GARRE1: variants seen among roughly 807,000 people sequenced by gnomAD.
GARRE1 encodes granule associated Rac and RHOG effector protein 1.
Under a neutral mutation model 103.2 loss-of-function variants are expected in GARRE1, and 49 were observed. The observed-to-expected ratio is 0.47, with a 90% CI of 0.38 to 0.60. The LOEUF (loss-of-function observed/expected upper bound fraction) is 0.60. Among genes scored for constraint, GARRE1 ranks in the 20% least tolerant of loss-of-function variants. The pLI, the probability that GARRE1 is intolerant of heterozygous loss-of-function variation, is 0.00. For synonymous variants in GARRE1, 505 were observed against 532.8 expected (o/e 0.95, Z 0.72); for missense variants, 1,199 against 1,370.5 (o/e 0.87, Z 1.98).
chr19:34,350,915 C>T (rs1256559638), intron 12 of GARRE1, among the ~76,000 whole-genome samples: 2 of 151,918 alleles, frequency 1.3e-5, no homozygotes, highest in Non-Finnish European at 2.9e-5. Flanking sequence ...TAACAAAAAG[C>T]CGGCCGGACT....
At chr19:34,341,312 A>G (rs2074184479) in intron 9 of GARRE1, 110 bp from the exon 10 acceptor site, 2 of 873,986 alleles carry the variant, frequency 2.3e-6, no homozygotes, top group African/African-American at 3.4e-5. Context: ...CCCGATACCA[A>G]CCTGAGAGGT....
At chr19:34,274,727 G>T (rs2073806930) in intron 1 of GARRE1, among the ~76,000 whole-genome samples, 1 of 152,168 alleles carries the variant, frequency 6.6e-6, no homozygotes, top group South Asian at 2.1e-4. Flanking sequence ...ATCAGAGGAG[G>T]AGTAGCTCAA....
intron 1 of GARRE1, among the ~76,000 whole-genome samples, chr19:34,272,156 T>G (rs147148099): frequency 7.7e-4 from 118 of 152,320 alleles, no homozygotes; most frequent in African/African-American, 2.7e-3. Context: ...AAGTTGGTTG[T>G]GCCTTTGACC....
chr19:34,284,728 A>G (rs2145225434), intron 1 of GARRE1, among the ~76,000 whole-genome samples: 1 of 152,336 alleles, frequency 6.6e-6, no homozygotes, highest in Admixed American at 6.5e-5. Flanking sequence ...GTGGATTCAT[A>G]AATGGTGAAT....
intron 7 of GARRE1, 24 bp downstream of exon 7, chr19:34,330,371 G>A: frequency 1.9e-6 from 3 of 1,612,256 alleles, no homozygotes; most frequent in South Asian, 1.1e-5. Flanking sequence ...GGTGGTGGAT[G>A]ATAGGTAGAA....
At chr19:34,338,975 C>T (rs2074173345) in intron 8 of GARRE1, among the ~76,000 whole-genome samples, 1 of 152,032 alleles carries the variant, frequency 6.6e-6, no homozygotes, top group Non-Finnish European at 1.5e-5. Flanking sequence ...GCAGGGGGTT[C>T]ATAAACAAGG....
intron 2 of GARRE1, among the ~76,000 whole-genome samples, chr19:34,304,617 A>G (rs921072653): frequency 6.6e-6 from 1 of 151,840 alleles, no homozygotes; most frequent in African/African-American, 2.4e-5. Context: ...ACCTCAAGTG[A>G]TCCACCTACC....
intron 7 of GARRE1, among the ~76,000 whole-genome samples, chr19:34,330,558 G>T (rs928794479): frequency 6.6e-6 from 1 of 152,112 alleles, no homozygotes; most frequent in Non-Finnish European, 1.5e-5. Context: ...ATATATATTT[G>T]CAGGGAACCT....
In GARRE1 at chr19:34,341,015, T is replaced by A. The variant is rs2074183085; in HGVS notation, c.1488-407T>A. Among the ~76,000 whole-genome samples the A allele has an allele frequency of 2.0e-5, 3 of 152,196 alleles. No individual in the cohort carries two copies. In the South Asian group the frequency reaches 6.2e-4, roughly 31 times the overall value. ...CTGTTGGGACAACGTTGGCACATAG[T>A]ATCCCTGCATCCCCCCACCACCTCC... On this transcript the variant is annotated intron_variant, in intron 9 of 13. Coordinates refer to ENST00000299505, the MANE Select transcript of GARRE1 (RefSeq NM_014686.5).
chr19:34,308,063 T>C (rs1011548054), intron 2 of GARRE1, among the ~76,000 whole-genome samples: 4 of 151,592 alleles, frequency 2.6e-5, no homozygotes, highest in African/African-American at 9.7e-5. Flanking sequence ...AAATAATTTA[T>C]CTGTGAGTGC....
chr19:34,314,729 T>C (rs1426650855), intron 2 of GARRE1, among the ~76,000 whole-genome samples: 5 of 152,238 alleles, frequency 3.3e-5, no homozygotes, highest in African/African-American at 1.2e-4. Context: ...TATTGCTGAC[T>C]GCAAGGAGAC....
At chr19:34,255,141 CT>C (rs1217018651) in intron 1 of GARRE1, among the ~76,000 whole-genome samples, 2 of 151,312 alleles carry the variant, frequency 1.3e-5, no homozygotes, top group Non-Finnish European at 2.9e-5. Flanking sequence ...GAGGAACGCG[CT>C]TTTCCGGCCC....
chr19:34,350,733 C>G lies in GARRE1; in HGVS notation c.2826-781C>G, dbSNP rs555492740. 3.9e-5 allele frequency among the ~76,000 whole-genome samples: 6 copies of G among 152,196 alleles called. No homozygotes were observed. In the East Asian group the frequency reaches 1.2e-3, roughly 30 times the overall value. ...AGTAGCTGGGACTACAGGCGCCCACCACCATGCCCGGCTAATTTTTTGTAT... is the reference window on the plus strand; with the variant it reads ...AGTAGCTGGGACTACAGGCGCCCACGACCATGCCCGGCTAATTTTTTGTAT... On this transcript the variant is annotated intron_variant, in intron 12 of 13. Coordinates refer to ENST00000299505, the MANE Select transcript of GARRE1 (RefSeq NM_014686.5).
intron 3 of GARRE1, among the ~76,000 whole-genome samples, chr19:34,322,036 G>T (rs1463147560): frequency 6.6e-6 from 1 of 152,148 alleles, no homozygotes; most frequent in African/African-American, 2.4e-5. Context: ...CTAGCCTAGC[G>T]CAGGGTTGCT....
intron 4 of GARRE1, 66 bp from the exon 5 acceptor site, chr19:34,327,705 C>T: frequency 6.6e-7 from 1 of 1,508,118 alleles, no homozygotes. Flanking sequence ...ATTTCTATTT[C>T]CATTGAACTT....
At chr19:34,318,809 A>G (rs569561259) in intron 2 of GARRE1, among the ~76,000 whole-genome samples, 17 of 152,252 alleles carry the variant, frequency 1.1e-4, no homozygotes, top group Middle Eastern at 6.8e-3. Flanking sequence ...TGGGAGGCCG[A>G]GGCAGGTGGA....
chr19:34,332,614 C>A (rs1001493538), intron 7 of GARRE1, among the ~76,000 whole-genome samples: 11 of 152,150 alleles, frequency 7.2e-5, no homozygotes, highest in Non-Finnish European at 1.3e-4. Flanking sequence ...ATTCCTTTGA[C>A]AGGAAGTTTT....
In GARRE1 at chr19:34,353,326, T is replaced by A; in HGVS notation, c.*371T>A. On this transcript the variant is annotated 3_prime_UTR_variant, in exon 14 of 14. Coordinates refer to ENST00000299505, the MANE Select transcript of GARRE1 (RefSeq NM_014686.5). ...CTGTGTGTTGGGAAGACATCAGGCC[T>A]GAAAGCTGAGGGCATAACTGACCAT... is the stretch of plus-strand genomic sequence containing the variant. 3.8e-6 allele frequency: 1 copy of A among 262,400 alleles called. No homozygotes were observed. The highest frequency in any genetic ancestry group is 7.3e-6 in the Non-Finnish European group (1 of 137,332). 16.3% of individuals were successfully genotyped at this position (262,400 alleles called of 1,614,324 possible).
chr19:34,288,548 G>T (rs1186009262), intron 1 of GARRE1, among the ~76,000 whole-genome samples: 1 of 152,180 alleles, frequency 6.6e-6, no homozygotes, highest in African/African-American at 2.4e-5. Flanking sequence ...TGTAGGGCTT[G>T]CCCGCTAGTC....
Sources: gnomAD v4.1 joint callset for allele counts (sites outside exome capture counted in the v4.1 genomes callset) on GRCh38, gnomAD v4.1.1 for gene constraint, MANE v1.5 for transcripts, NCBI Gene and HGNC (gene_info 2026-07-23, HGNC 2026-07-21) for gene names.